The following SP110 variants were observed in gnomAD, a reference collection of about 807,000 sequenced individuals.
The protein encoded by SP110 is interferon-induced protein 41, 30kD.
Under a neutral mutation model 92.7 loss-of-function variants are expected in SP110, and 62 were observed. The observed-to-expected ratio is 0.67, with a 90% CI of 0.55 to 0.83. SP110 has a LOEUF of 0.83. SP110 is among the 40% of genes least tolerant of loss of function. SP110 has a pLI of 0.00. For missense variants in SP110, 793 were observed against 863.9 expected, an observed-to-expected ratio of 0.92 and a Z score of 1.03; for synonymous variants, 273 against 305.3, an observed-to-expected ratio of 0.89 and a Z score of 1.10.
chr2:230,196,287 TAAG>T lies in SP110; in HGVS notation c.1129+4595_1129+4597del, dbSNP rs1173996657. On this transcript the variant is annotated intron_variant, in intron 10 of 18. Transcript: ENST00000258381. ...CCTGATTTCTATTTTCATATAAAAA[TAAG>T]AAATAAACTGTCCACTAGTAGGTGA... 2.6e-5 allele frequency among the ~76,000 whole-genome samples: 4 copies of T among 152,140 alleles called. No individual in the cohort carries two copies. The South Asian group carries it at 8.3e-4, about 32-fold the overall frequency.
At chr2:230,187,847 C>T (rs2042426741) in intron 10 of SP110, among the ~76,000 whole-genome samples, 2 of 152,084 alleles carry the variant, frequency 1.3e-5, no homozygotes, top group Non-Finnish European at 2.9e-5. Flanking sequence ...TTCCATTGGT[C>T]GATGTATCTA....
In SP110 at chr2:230,169,251, A is replaced by G; in HGVS notation, c.2029-14T>C. The G allele has an allele frequency of 2.1e-6, 3 of 1,413,592 alleles. No homozygotes were observed. The highest frequency in any genetic ancestry group is 3.0e-6 in the Non-Finnish European group (3 of 996,994). The allele number at this position is 1,413,592 out of a possible 1,614,324, so 87.6% of individuals were successfully genotyped here. On this transcript the variant is annotated splice_polypyrimidine_tract_variant and intron_variant, in intron 18 of 18. Transcript: ENST00000258381. ...AAAGTCAGAAGCCTGAAAGAGAAAAAAGCAAACAAACACATTGAAGGATGA... is the reference window on the plus strand; with the variant it reads ...AAAGTCAGAAGCCTGAAAGAGAAAAGAGCAAACAAACACATTGAAGGATGA...
At chr2:230,190,375 T>C (rs2042561400) in intron 10 of SP110, among the ~76,000 whole-genome samples, 1 of 152,208 alleles carries the variant, frequency 6.6e-6, no homozygotes, top group African/African-American at 2.4e-5. Flanking sequence ...TGTCTGTTCA[T>C]ATCCTTTGCC....
chr2:230,175,720 G>A (rs946143904), intron 14 of SP110, among the ~76,000 whole-genome samples: 5 of 152,114 alleles, frequency 3.3e-5, no homozygotes, highest in Admixed American at 2.0e-4. Context: ...AGGTTGAGGA[G>A]GGGGAGTTAG....
In SP110 at chr2:230,212,305, A is replaced by G. The variant is rs185679474; in HGVS notation, c.667+42T>C. The G allele has an allele frequency of 2.7e-3, 3,803 of 1,433,718 alleles. 16 individuals carry two copies. Among genetic ancestry groups the G allele is most frequent in the Non-Finnish European group, 3.3e-3 (3,302 of 1,015,590 alleles). 88.8% of individuals were successfully genotyped at this position (1,433,718 alleles called of 1,614,324 possible). ...TGGCAGACGCATGTTCTCCCTTCACAGTCACCTTGAGCTAAGCGGTATCAG... is the reference window on the plus strand; with the variant it reads ...TGGCAGACGCATGTTCTCCCTTCACGGTCACCTTGAGCTAAGCGGTATCAG... On this transcript the variant is annotated intron_variant, in intron 5 of 18. Transcript: ENST00000258381.
At chr2:230,172,317 T>C (rs1002112708) in intron 15 of SP110, 143 bp from the exon 16 acceptor site, 5 of 720,098 alleles carry the variant, frequency 6.9e-6, no homozygotes, top group Non-Finnish European at 1.3e-5. Context: ...GATCCCCACA[T>C]GGGGTCTCCA....
chr2:230,198,263 G>A (rs1374743861), intron 10 of SP110, among the ~76,000 whole-genome samples: 7 of 152,242 alleles, frequency 4.6e-5, no homozygotes, highest in East Asian at 3.9e-4. Flanking sequence ...GCTCTTACAT[G>A]CTGTGACCCA....
chr2:230,185,255 G>T (rs1173615190), intron 11 of SP110, among the ~76,000 whole-genome samples: 1 of 152,180 alleles, frequency 6.6e-6, no homozygotes, highest in Non-Finnish European at 1.5e-5. Flanking sequence ...TCTAACTTGG[G>T]TCCACATTTC....
chr2:230,213,535 G>A (rs976922886), intron 3 of SP110: 1 of 166,284 alleles, frequency 6.0e-6, no homozygotes, highest in African/African-American at 2.4e-5. Context: ...CTGTGATCTG[G>A]TCACACCCAG....
In SP110 at chr2:230,166,065, T is replaced by C. The variant is rs2078307382; in HGVS notation, c.*3059A>G. Among the ~76,000 whole-genome samples the C allele has an allele frequency of 6.6e-6, 1 of 152,080 alleles. No homozygotes were observed. The highest frequency in any genetic ancestry group is 1.5e-5 in the Non-Finnish European group (1 of 68,020). On this transcript the variant is annotated 3_prime_UTR_variant, in exon 19 of 19. Transcript: ENST00000258381. ...CCCGCCACCACGCCTGGCTAATTTTTGTATTTTTAGTAGAGACGGGGTTTC... is the reference window on the plus strand; with the variant it reads ...CCCGCCACCACGCCTGGCTAATTTTCGTATTTTTAGTAGAGACGGGGTTTC...
Position 230,219,895 on chromosome 2 carries a change from C to G in SP110, c.-23G>C. 1 of 985,072 alleles carries G rather than the reference C, an allele frequency of 1.0e-6. No individual in the cohort carries two copies. 61.0% of individuals were successfully genotyped at this position (985,072 alleles called of 1,614,324 possible). ...TCACCTGGACTTTGAGTTTGTCGTT[C>G]CTGCCCCTTTCCAGGGGCTGGGACA... On this transcript the variant is annotated 5_prime_UTR_variant, in exon 1 of 19. Coordinates refer to ENST00000258381, the MANE Select transcript of SP110 (RefSeq NM_080424.4).
intron 15 of SP110, 53 bp downstream of exon 15, chr2:230,172,791 T>C: frequency 8.1e-7 from 1 of 1,235,598 alleles, no homozygotes; most frequent in Non-Finnish European, 1.2e-6. Flanking sequence ...GTCCTGCCCT[T>C]TCCATCTGGA....
At chr2:230,183,843 A>C (rs1286607534) in intron 11 of SP110, among the ~76,000 whole-genome samples, 1 of 152,242 alleles carries the variant, frequency 6.6e-6, no homozygotes, top group Non-Finnish European at 1.5e-5. Flanking sequence ...AGCTAAAAAT[A>C]CTACAGAAGC....
intron 12 of SP110, among the ~76,000 whole-genome samples, chr2:230,181,460 C>T (rs186532511): frequency 3.4e-4 from 52 of 152,306 alleles, no homozygotes; most frequent in Non-Finnish European, 6.0e-4. Context: ...AGACAAAATG[C>T]AGGTCTCCAC....
Position 230,214,957 on chromosome 2 carries a change from G to A in SP110, c.309C>T (p.Phe103=), listed in dbSNP as rs1368025095. 1.2e-6 allele frequency: 2 copies of A among 1,613,918 alleles called. No individual in the cohort carries two copies. The highest frequency in any genetic ancestry group is 1.7e-5 in the Admixed American group (1 of 60,024). The part of the protein sequence containing the change: ...YPNLVTIYRS[F]KRVGASYEWQ... Reference sequence around the variant, plus strand: ...CTTGAGAAATCTCATTACCACGTTTGAAGCTTCTGTAAATCGTCACCAGAT... The same window carrying A: ...CTTGAGAAATCTCATTACCACGTTTAAAGCTTCTGTAAATCGTCACCAGAT... The change falls in exon 3 of 19, where the codon TTC becomes TTT. Residue 103 remains phenylalanine (F), a synonymous_variant. Transcript: ENST00000258381.
chr2:230,178,348 G>A lies in SP110; in HGVS notation c.1349-93C>T, dbSNP rs2041960969. On this transcript the variant is annotated intron_variant, in intron 12 of 18. Transcript: ENST00000258381. Reference sequence around the variant, plus strand: ...TCCATGAATTCCAATAATGTACAGGGTATTGGGGAACGTTCTCTGGTTAGT... The same window carrying A: ...TCCATGAATTCCAATAATGTACAGGATATTGGGGAACGTTCTCTGGTTAGT... 9.2e-6 allele frequency: 7 copies of A among 761,870 alleles called. No homozygotes were observed. In the East Asian group the frequency reaches 1.3e-4, roughly 15 times the overall value. The allele number at this position is 761,870 out of a possible 1,614,324, so 47.2% of individuals were successfully genotyped here. A position where few individuals can be genotyped will look rare whatever the true frequency, so the allele number is the denominator to read the frequency against.
At chr2:230,208,179 C>T in intron 7 of SP110, 120 bp from the exon 8 acceptor site, 1 of 667,338 alleles carries the variant, frequency 1.5e-6, no homozygotes, top group East Asian at 2.7e-5. Context: ...CATTGGTGAC[C>T]TTAGGTGATG....
At chr2:230,205,730 G>T (rs2043708558) in intron 8 of SP110, among the ~76,000 whole-genome samples, 1 of 152,198 alleles carries the variant, frequency 6.6e-6, no homozygotes, top group Non-Finnish European at 1.5e-5. Context: ...GTTAATTTCA[G>T]GCATATTGAG....
chr2:230,195,626 T>C (rs939566385), intron 10 of SP110, among the ~76,000 whole-genome samples: 4 of 152,122 alleles, frequency 2.6e-5, no homozygotes, highest in African/African-American at 7.2e-5. Context: ...CGGCATGCCT[T>C]ATTAATTTTA....
Sources: gnomAD v4.1 joint callset for allele counts (sites outside exome capture counted in the v4.1 genomes callset) on GRCh38, gnomAD v4.1.1 for gene constraint, MANE v1.5 for transcripts, NCBI Gene and HGNC (gene_info 2026-07-23, HGNC 2026-07-21) for gene names.